Variants in RPS6KC1 observed in about 807,000 individuals in gnomAD.
The protein encoded by RPS6KC1 is ribosomal protein S6 kinase C1, also known as inactive ribosomal protein S6 kinase delta-1.
A neutral mutation model predicts 103.8 loss-of-function variants in RPS6KC1; 54 were observed. That is an observed-to-expected ratio of 0.52 (90% confidence interval 0.42 to 0.65). The LOEUF is 0.65. Ranked by LOEUF, RPS6KC1 falls within the 30% of genes least tolerant of loss-of-function variation. The probability of loss-of-function intolerance (pLI) is 0.00; values close to 1 mark genes in which losing one functional copy is unlikely to be tolerated. For synonymous variants in RPS6KC1, 439 were observed against 438.7 expected (o/e 1.00, Z -0.01); for missense variants, 1,151 against 1,253.8 (o/e 0.92, Z 1.24).
chr1:213,189,246 C>T (rs1483579873), intron 8 of RPS6KC1, among the ~76,000 whole-genome samples: 4 of 151,894 alleles, frequency 2.6e-5, no homozygotes, highest in Admixed American at 2.0e-4. Flanking sequence ...GTCAGGAGTT[C>T]GAGACCAGCC....
intron 6 of RPS6KC1, among the ~76,000 whole-genome samples, chr1:213,149,690 TG>T (rs1224760745): frequency 6.6e-6 from 1 of 151,960 alleles, no homozygotes; most frequent in African/African-American, 2.4e-5. Context: ...TTAAGCCTGA[TG>T]TTTCTTTGTT....
chr1:213,117,541 T>TC, intron 5 of RPS6KC1, 131 bp downstream of exon 5: 1 of 530,042 alleles, frequency 1.9e-6, no homozygotes, highest in Non-Finnish European at 3.3e-6. Context: ...ATGCTTTTTT[T>TC]CTTTACATTT....
chr1:213,783,234 C>T, the RPS6KC1 span, among the ~76,000 whole-genome samples: 3 of 152,172 alleles, frequency 2.0e-5, no homozygotes, highest in Non-Finnish European at 4.4e-5. Context: ...AGGCCCTTTT[C>T]GATGCACAAA....
At chr1:213,151,650 C>T (rs1204075140) in intron 6 of RPS6KC1, among the ~76,000 whole-genome samples, 1 of 83,896 alleles carries the variant, frequency 1.2e-5, no homozygotes, top group Admixed American at 9.1e-5. Flanking sequence ...GGCAGAGGGG[C>T]TCCTCACTTC....
chr1:213,706,966 G>A, the RPS6KC1 span, among the ~76,000 whole-genome samples: 2 of 152,108 alleles, frequency 1.3e-5, no homozygotes, highest in African/African-American at 2.4e-5. Flanking sequence ...CATTTGGGTT[G>A]GTTCCAAGTC....
the RPS6KC1 span, among the ~76,000 whole-genome samples, chr1:213,328,587 C>T: frequency 1.4e-5 from 2 of 140,944 alleles, no homozygotes; most frequent in African/African-American, 5.2e-5. Context: ...CTGTATAGTC[C>T]TTTAGGTGTG....
chr1:213,859,557 A>T, the RPS6KC1 span, among the ~76,000 whole-genome samples: 2 of 152,240 alleles, frequency 1.3e-5, no homozygotes, highest in African/African-American at 2.4e-5. Context: ...ATATGAGAAC[A>T]AGAGGGTTTG....
intron 3 of RPS6KC1, among the ~76,000 whole-genome samples, chr1:213,097,521 T>G (rs1162467558): frequency 6.6e-6 from 1 of 152,180 alleles, no homozygotes; most frequent in Non-Finnish European, 1.5e-5. Flanking sequence ...CCTAGGATTT[T>G]CAGAATGGTC....
chr1:213,216,322 T>C (rs897015699), intron 8 of RPS6KC1, among the ~76,000 whole-genome samples: 1 of 152,224 alleles, frequency 6.6e-6, no homozygotes, highest in African/African-American at 2.4e-5. Flanking sequence ...AAGAGCTAAC[T>C]ATCTTAAATA....
chr1:213,584,067 A>G, the RPS6KC1 span, among the ~76,000 whole-genome samples: 8 of 152,100 alleles, frequency 5.3e-5, no homozygotes, highest in South Asian at 1.7e-3. Flanking sequence ...CCCCCATACT[A>G]TTCTCATGGT....
At chr1:213,057,221 G>A (rs754225027) in intron 1 of RPS6KC1, among the ~76,000 whole-genome samples, 45 of 152,164 alleles carry the variant, frequency 3.0e-4, no homozygotes, top group Middle Eastern at 3.4e-3. Context: ...GATTACAGGC[G>A]TGAGCCACCA....
intron 1 of RPS6KC1, among the ~76,000 whole-genome samples, chr1:213,066,553 C>T (rs2078348186): frequency 6.6e-6 from 1 of 152,106 alleles, no homozygotes; most frequent in Admixed American, 6.5e-5. Flanking sequence ...CTGTTGTTAC[C>T]AAAACACCAG....
chr1:213,228,175 A>G (rs1476237498), intron 8 of RPS6KC1, among the ~76,000 whole-genome samples: 3 of 152,208 alleles, frequency 2.0e-5, no homozygotes, highest in African/African-American at 4.8e-5. Context: ...AGCTAGAGTG[A>G]CATTTGTGCT....
At chr1:213,480,438 G>T in the RPS6KC1 span, among the ~76,000 whole-genome samples, 1 of 152,004 alleles carries the variant, frequency 6.6e-6, no homozygotes, top group South Asian at 2.1e-4. Context: ...ATCACTTGTG[G>T]TCAAACGCTA....
chr1:213,687,072 A>G, the RPS6KC1 span, among the ~76,000 whole-genome samples: 2 of 152,208 alleles, frequency 1.3e-5, no homozygotes, highest in Non-Finnish European at 2.9e-5. Context: ...TTTCATCACC[A>G]TCTTGGTTTT....
chr1:213,848,376 T>A, the RPS6KC1 span, among the ~76,000 whole-genome samples: 1 of 152,204 alleles, frequency 6.6e-6, no homozygotes, highest in South Asian at 2.1e-4. Flanking sequence ...TGGAATTTTA[T>A]ATTAATGCAA....
At chr1:213,835,076 A>G in the RPS6KC1 span, among the ~76,000 whole-genome samples, 1 of 152,226 alleles carries the variant, frequency 6.6e-6, no homozygotes. Flanking sequence ...ATTGAGGTTC[A>G]GGAAAGCCCT....
chr1:213,412,534 T>C, the RPS6KC1 span, among the ~76,000 whole-genome samples: 1 of 152,340 alleles, frequency 6.6e-6, no homozygotes, highest in African/African-American at 2.4e-5. Flanking sequence ...TTTGTAGCGG[T>C]CCCTGCTTTC....
the RPS6KC1 span, among the ~76,000 whole-genome samples, chr1:213,498,404 T>C: frequency 1.3e-5 from 2 of 152,228 alleles, no homozygotes; most frequent in African/African-American, 4.8e-5. Flanking sequence ...GAAATACTTT[T>C]GATAAAATTA....
Sources: gnomAD v4.1 joint callset for allele counts (sites outside exome capture counted in the v4.1 genomes callset) on GRCh38, gnomAD v4.1.1 for gene constraint, MANE v1.5 for transcripts, NCBI Gene and HGNC (gene_info 2026-07-23, HGNC 2026-07-21) for gene names.